The following FRMD5 variants were observed in gnomAD, a reference collection of about 807,000 sequenced individuals.
FRMD5 encodes FERM domain containing 5, also known as FERM domain-containing protein 5.
A neutral mutation model predicts 69.0 loss-of-function variants in FRMD5; 20 were observed. That is an observed-to-expected ratio of 0.29 (90% CI 0.20 to 0.42). The LOEUF (loss-of-function observed/expected upper bound fraction) is 0.42, where lower values mean the gene tolerates loss of function less well. Ranked by LOEUF, FRMD5 falls within the 10% of genes least tolerant of loss-of-function variation. The pLI, the probability that FRMD5 is intolerant of heterozygous loss-of-function variation, is 1.00. For missense variants in FRMD5, 595 were observed against 708.6 expected, an observed-to-expected ratio of 0.84 and a Z score of 1.82; for synonymous variants, 271 against 260.1, an observed-to-expected ratio of 1.04 and a Z score of -0.40.
At chr15:43,979,806 C>T (rs985660529) in intron 1 of FRMD5, among the ~76,000 whole-genome samples, 9 of 152,074 alleles carry the variant, frequency 5.9e-5, no homozygotes, top group Admixed American at 5.2e-4. Flanking sequence ...GATAGAAAAG[C>T]CTGGGAAGTG....
intron 1 of FRMD5, among the ~76,000 whole-genome samples, chr15:44,047,507 A>T (rs1218979088): frequency 2.6e-5 from 4 of 152,212 alleles, no homozygotes; most frequent in Non-Finnish European, 5.9e-5. Flanking sequence ...TCCCTACCAT[A>T]AAGATCAATA....
intron 1 of FRMD5, among the ~76,000 whole-genome samples, chr15:44,060,171 A>T (rs981798091): frequency 2.6e-5 from 4 of 152,220 alleles, no homozygotes; most frequent in Admixed American, 2.6e-4. Context: ...CACATAAGAA[A>T]GCCAGTTACA....
chr15:44,009,313 TG>T (rs1890606998), intron 1 of FRMD5, among the ~76,000 whole-genome samples: 1 of 152,162 alleles, frequency 6.6e-6, no homozygotes, highest in Non-Finnish European at 1.5e-5. Context: ...TAAACATGGC[TG>T]GGGGGAACCT....
intron 1 of FRMD5, among the ~76,000 whole-genome samples, chr15:44,048,279 A>G (rs1892514106): frequency 6.6e-6 from 1 of 152,118 alleles, no homozygotes; most frequent in Admixed American, 6.5e-5. Flanking sequence ...GTGGTATCTC[A>G]CTGTCGTTTT....
At chr15:43,946,010 G>T (rs2089941035) in intron 1 of FRMD5, among the ~76,000 whole-genome samples, 1 of 151,538 alleles carries the variant, frequency 6.6e-6, no homozygotes, top group African/African-American at 2.4e-5. Context: ...AGCCGAGATT[G>T]CACCACTGCA....
At chr15:44,156,586 A>G (rs1479824741) in intron 1 of FRMD5, among the ~76,000 whole-genome samples, 1 of 152,208 alleles carries the variant, frequency 6.6e-6, no homozygotes, top group Admixed American at 6.5e-5. Context: ...CACACATTTG[A>G]CTTTTTTATG....
intron 1 of FRMD5, among the ~76,000 whole-genome samples, chr15:44,159,335 C>G (rs997316278): frequency 7.2e-5 from 11 of 152,062 alleles, no homozygotes; most frequent in Admixed American, 2.6e-4. Context: ...TGAGATGCAA[C>G]AGGGCTAGAC....
intron 1 of FRMD5, among the ~76,000 whole-genome samples, chr15:44,169,432 T>C (rs1044563727): frequency 6.6e-6 from 1 of 151,382 alleles, no homozygotes; most frequent in Non-Finnish European, 1.5e-5. Flanking sequence ...CTCTGAGACC[T>C]AAGATCACCA....
At chr15:43,885,989 G>A (rs2088653400) in intron 10 of FRMD5, among the ~76,000 whole-genome samples, 1 of 152,194 alleles carries the variant, frequency 6.6e-6, no homozygotes, top group Non-Finnish European at 1.5e-5. Context: ...AGTGTCAGGA[G>A]AGTGAAGGCT....
At position 44,093,830 on chromosome 15, in the gene FRMD5, C is replaced by T. The variant is rs2076511589; in HGVS notation, c.102+101123G>A. Among the ~76,000 whole-genome samples the T allele has an allele frequency of 2.0e-5, 3 of 152,014 alleles. No individual in the cohort carries two copies. In the South Asian group the frequency reaches 6.2e-4, roughly 31 times the overall value. On this transcript the variant is annotated intron_variant, in intron 1 of 13. Transcript: ENST00000417257. ...GTTGTGATCCGCCTGTCTCGGCCTC[C>T]CAAAGTGCTGGGATTACAGGCGTGA...
intron 1 of FRMD5, among the ~76,000 whole-genome samples, chr15:44,080,352 T>C (rs528586142): frequency 1.3e-5 from 2 of 152,202 alleles, no homozygotes; most frequent in South Asian, 4.1e-4. Context: ...TGATCAGTTC[T>C]CGTGTGTGCC....
intron 1 of FRMD5, among the ~76,000 whole-genome samples, chr15:44,114,378 C>G (rs1429541925): frequency 1.3e-5 from 2 of 152,152 alleles, no homozygotes; most frequent in African/African-American, 2.4e-5. Flanking sequence ...TTCCTTTATT[C>G]TGAGTCTGTG....
intron 1 of FRMD5, among the ~76,000 whole-genome samples, chr15:44,067,146 T>C (rs1431138078): frequency 6.6e-6 from 1 of 152,048 alleles, no homozygotes; most frequent in Non-Finnish European, 1.5e-5. Context: ...GGAAACTTAT[T>C]GAGACAGAGG....
Position 43,873,403 on chromosome 15 carries a change from GCTGCAGTGATGAGT to G in FRMD5, c.*468_*481del. 1 of 1,440,136 alleles carries G rather than the reference GCTGCAGTGATGAGT, an allele frequency of 6.9e-7. No homozygotes were observed. The highest frequency in any genetic ancestry group is 2.8e-5 in the Admixed American group (1 of 35,136). The allele number at this position is 1,440,136 out of a possible 1,614,324, so 89.2% of individuals were successfully genotyped here. A position where few individuals can be genotyped will look rare whatever the true frequency, so the allele number is the denominator to read the frequency against. On this transcript the variant is annotated 3_prime_UTR_variant, in exon 14 of 14. Transcript: ENST00000417257. ...CAGATCCCTGGCCTGCCCTGCTGAGGCTGCAGTGATGAGTCTACTGGAACCCAGTGGCACCAGCA... is the reference window on the plus strand; with the variant it reads ...CAGATCCCTGGCCTGCCCTGCTGAGGCTACTGGAACCCAGTGGCACCAGCA...
chr15:43,887,325 G>T (rs905840127), intron 10 of FRMD5, among the ~76,000 whole-genome samples: 3 of 152,168 alleles, frequency 2.0e-5, no homozygotes, highest in African/African-American at 7.2e-5. Flanking sequence ...TTCTCTCTAG[G>T]TTCAGGTAAC....
Position 44,152,047 on chromosome 15 carries a change from T to C in FRMD5, c.102+42906A>G, listed in dbSNP as rs996706364. On this transcript the variant is annotated intron_variant, in intron 1 of 13. Coordinates refer to ENST00000417257, the MANE Select transcript of FRMD5 (RefSeq NM_032892.5). ...CAACATGGTAAAATCCCCTCTCTAC[T>C]AAAAATACAAAAATTAGCCAGGTGT... 6.6e-5 allele frequency among the ~76,000 whole-genome samples: 10 copies of C among 152,150 alleles called. 1 individual carries two copies. In the South Asian group the frequency reaches 1.5e-3, roughly 22 times the overall value.
chr15:43,898,809 G>C (rs2088976426), intron 7 of FRMD5, among the ~76,000 whole-genome samples: 1 of 152,218 alleles, frequency 6.6e-6, no homozygotes, highest in Admixed American at 6.5e-5. Flanking sequence ...AGAAAATGCA[G>C]GACAGCCTTG....
At chr15:44,049,493 AATTT>A (rs1892566347) in intron 1 of FRMD5, among the ~76,000 whole-genome samples, 1 of 152,224 alleles carries the variant, frequency 6.6e-6, no homozygotes, top group African/African-American at 2.4e-5. Flanking sequence ...CTTTGCAAAC[AATTT>A]ATTTATAAAT....
upstream of FRMD5, among the ~76,000 whole-genome samples, chr15:44,196,254 GA>G (rs2078295055): frequency 6.6e-6 from 1 of 152,120 alleles, no homozygotes. Context: ...CTGATGTCAG[GA>G]GTTCGAAACC....
Sources: gnomAD v4.1 joint callset for allele counts (sites outside exome capture counted in the v4.1 genomes callset) on GRCh38, gnomAD v4.1.1 for gene constraint, MANE v1.5 for transcripts, NCBI Gene and HGNC (gene_info 2026-07-23, HGNC 2026-07-21) for gene names.